The following CDK11B variants were observed in gnomAD, a reference collection of about 807,000 sequenced individuals.
CDK11B encodes cyclin-dependent kinase 11B.
A neutral mutation model predicts 84.0 loss-of-function variants in CDK11B; 37 were observed. The observed-to-expected ratio is 0.44, with a 90% CI of 0.34 to 0.58. CDK11B has a LOEUF of 0.58. Among genes scored for constraint, CDK11B ranks in the 20% least tolerant of loss-of-function variants. The probability of loss-of-function intolerance (pLI) is 0.02; values close to 1 mark genes in which losing one functional copy is unlikely to be tolerated. For missense variants in CDK11B, 427 were observed against 834.0 expected (o/e 0.51, Z 6.01); for synonymous variants, 269 against 309.8 (o/e 0.87, Z 1.38).
intron 11 of CDK11B, among the ~76,000 whole-genome samples, chr1:1,638,857 T>C (rs1340535706): frequency 6.6e-6 from 1 of 151,878 alleles, no homozygotes; most frequent in Non-Finnish European, 1.5e-5. Flanking sequence ...TTCCAGCACT[T>C]TGGGAGGGCA....
At chr1:1,655,531 T>C (rs1642629867) in intron 2 of CDK11B, 47 bp from the exon 3 acceptor site, 1 of 1,517,692 alleles carries the variant, frequency 6.6e-7, no homozygotes, top group Admixed American at 2.1e-5. Context: ...AAGTTTTTTT[T>C]TCTTCATAGA....
Position 1,637,130 on chromosome 1 carries a change from C to T in CDK11B, c.1643G>A (p.Arg548His), listed in dbSNP as rs778552932. 5.0e-6 allele frequency: 8 copies of T among 1,613,708 alleles called. No individual in the cohort carries two copies. Among genetic ancestry groups the T allele is most frequent in the Non-Finnish European group, 5.1e-6 (6 of 1,179,856 alleles). ...CAGCAGGTTGGACGTCTTGAGGTCA[C>T]GGTGCAGGATCCAGTTGTCGTGCAG... The part of the protein sequence containing the change: ...KHLHDNWILH[R>H]DLKTSNLLLS... Residue 548 changes from arginine to histidine, a missense_variant, in exon 15 of 20, where the codon CGT becomes CAT. This residue lies in a region of CDK11B where 13 missense variants were observed against 42.2 expected (regional missense o/e 0.31). Coordinates refer to ENST00000341832, the MANE Select transcript of CDK11B (RefSeq NM_033486.3).
intron 10 of CDK11B, among the ~76,000 whole-genome samples, chr1:1,640,837 G>A (rs1364092367): frequency 1.3e-5 from 2 of 151,382 alleles, no homozygotes; most frequent in Admixed American, 6.6e-5. Flanking sequence ...CCAGCTCCTC[G>A]GCCCTGCTGG....
chr1:1,636,551 G>A (rs1279457366), intron 17 of CDK11B, 70 bp from the exon 18 acceptor site: 10 of 1,575,774 alleles, frequency 6.3e-6, no homozygotes, highest in East Asian at 2.3e-5. Context: ...TCCCGTCAGA[G>A]AAGACAAGCC....
At chr1:1,650,268 CAAAA>C (rs1212256890) in intron 4 of CDK11B, among the ~76,000 whole-genome samples, 2 of 45,800 alleles carry the variant, frequency 4.4e-5, no homozygotes, top group Admixed American at 2.5e-4. Context: ...GACTCCGTCC[CAAAA>C]AAAAAAAAAA....
chr1:1,646,825 C>T (rs765919789), intron 5 of CDK11B: 2 of 520,026 alleles, frequency 3.8e-6, no homozygotes, highest in South Asian at 2.8e-5. Flanking sequence ...GAGTATGCCA[C>T]TCCACTGCCT....
At position 1,658,972 on chromosome 1, in the gene CDK11B, C is replaced by A; in HGVS notation, c.-72G>T. 5.0e-6 allele frequency: 1 copy of A among 199,950 alleles called. No homozygotes were observed. Among genetic ancestry groups the A allele is most frequent in the Middle Eastern group, 2.1e-3 (1 of 474 alleles). The allele number at this position is 199,950 out of a possible 1,614,324, so 12.4% of individuals were successfully genotyped here. A position where few individuals can be genotyped will look rare whatever the true frequency, so the allele number is the denominator to read the frequency against. Reference sequence around the variant, plus strand: ...GCCGGTCCCGGAGCCAGAGAAGAAACAGCAACCGGCGCGCGCCAAAAGTAT... The same window carrying A: ...GCCGGTCCCGGAGCCAGAGAAGAAAAAGCAACCGGCGCGCGCCAAAAGTAT... On this transcript the variant is annotated 5_prime_UTR_variant, in exon 1 of 20. Coordinates refer to ENST00000341832, the MANE Select transcript of CDK11B (RefSeq NM_033486.3).
intron 2 of CDK11B, 147 bp downstream of exon 2, chr1:1,657,228 T>G: frequency 6.2e-7 from 1 of 1,614,028 alleles, no homozygotes; most frequent in African/African-American, 1.3e-5. Flanking sequence ...ATGTTTTTGT[T>G]AATTTTTAGA....
At chr1:1,645,404 GTCT>G (rs1350532490) in intron 5 of CDK11B, 142 bp from the exon 6 acceptor site, 1 of 666,562 alleles carries the variant, frequency 1.5e-6, no homozygotes, top group African/African-American at 1.9e-5. Context: ...TTGAGACGGA[GTCT>G]TCATCTGTCC....
rs567947110 is a variant in CDK11B at position 1,637,271 on chromosome 1, C to T, written c.1571-69G>A. The T allele has an allele frequency of 1.7e-4, 276 of 1,589,770 alleles. 1 individual carries two copies. The highest frequency in any genetic ancestry group is 1.0e-3 in the South Asian group (89 of 88,684). ...CCCAGGGCACTCAGGGTGGCCCACT[C>T]GCCTCGGCAGCAACAGAGGCTTCTC... is the stretch of plus-strand genomic sequence containing the variant. On this transcript the variant is annotated intron_variant, in intron 14 of 19. Coordinates refer to ENST00000341832, the MANE Select transcript of CDK11B (RefSeq NM_033486.3).
At chr1:1,639,254 A>T (rs1014250276) in intron 11 of CDK11B, among the ~76,000 whole-genome samples, 3 of 151,700 alleles carry the variant, frequency 2.0e-5, no homozygotes, top group Admixed American at 2.0e-4. Context: ...ACTCCTTTCT[A>T]CAAAATAAAA....
At position 1,657,365 on chromosome 1, in the gene CDK11B, T is replaced by C. The variant is rs1352762901; in HGVS notation, c.111+10A>G. On this transcript the variant is annotated intron_variant, in intron 2 of 19. Transcript: ENST00000341832. ...TTAAGAAAACCACTTACTTAAAAAA[T>C]ATGGCTTACATTTTTTAAGCGTTTT... is the stretch of plus-strand genomic sequence containing the variant. 2 of 1,610,338 alleles carry C rather than the reference T, an allele frequency of 1.2e-6. No individual in the cohort carries two copies. Among genetic ancestry groups the C allele is most frequent in the Admixed American group, 1.7e-5 (1 of 59,424 alleles).
intron 3 of CDK11B, among the ~76,000 whole-genome samples, chr1:1,653,863 C>CACACA (rs761317190): frequency 9.0e-5 from 12 of 132,924 alleles, no homozygotes; most frequent in East Asian, 6.3e-4. Flanking sequence ...CACACACACA[C>CACACA]CCGAGCGTGG....
In CDK11B at chr1:1,637,805, T is replaced by C. The variant is rs886688865; in HGVS notation, c.1421A>G (p.Asn474Ser). ...GFPITSLREINTILKAQHPNI... is the reference protein window; with the variant it reads ...GFPITSLREISTILKAQHPNI... ...GGGATGCTGGGCCTTGAGGATGGTGTTGATCTCCCTCAGCGACGTGATCGG... is the reference window on the plus strand; with the variant it reads ...GGGATGCTGGGCCTTGAGGATGGTGCTGATCTCCCTCAGCGACGTGATCGG... Residue 474 changes from asparagine (N) to serine (S), a missense_variant, in exon 13 of 20, where the codon AAC (asparagine) becomes AGC (serine). Coordinates refer to ENST00000341832, the MANE Select transcript of CDK11B (RefSeq NM_033486.3). The C allele has an allele frequency of 6.2e-7, 1 of 1,613,740 alleles. No individual in the cohort carries two copies. The highest frequency in any genetic ancestry group is 8.5e-7 in the Non-Finnish European group (1 of 1,179,696).
In CDK11B at chr1:1,636,474, C is replaced by A; in HGVS notation, c.1925G>T (p.Gly642Val). Residue 642 changes from glycine (G) to valine (V), a missense_variant, in exon 18 of 20, where the codon GGG becomes GTG. Physicochemically the swap from Gly to Val is moderately radical, Grantham distance 109. Around this residue, in one of 12 missense-constraint regions of CDK11B, gnomAD observed 170 missense variants for 196.0 expected, o/e 0.87. Transcript: ENST00000341832. ...GGGCCAGATTTTCTCACTAGGGGTC[C>A]CCAGATCCTGAAAGACAGAGGTGCT... Reference protein sequence around the residue: ...DQINKVFKDLGTPSEKIWPGY... With the variant: ...DQINKVFKDLVTPSEKIWPGY... The A allele has an allele frequency of 6.2e-7, 1 of 1,611,926 alleles. No homozygotes were observed. Among genetic ancestry groups the A allele is most frequent in the Non-Finnish European group, 8.5e-7 (1 of 1,178,952 alleles).
chr1:1,651,497 A>G (rs1360170734), intron 4 of CDK11B, among the ~76,000 whole-genome samples: 3 of 143,406 alleles, frequency 2.1e-5, no homozygotes, highest in Non-Finnish European at 4.5e-5. Flanking sequence ...ATGGTCTGTG[A>G]CACATGCACG....
intron 2 of CDK11B, among the ~76,000 whole-genome samples, chr1:1,656,945 C>T (rs992955605): frequency 6.6e-6 from 1 of 152,216 alleles, no homozygotes; most frequent in African/African-American, 2.4e-5. Flanking sequence ...AGGTACTTTG[C>T]CAATGCCTCT....
chr1:1,658,149 G>A (rs1403683431), intron 1 of CDK11B, among the ~76,000 whole-genome samples: 4 of 143,656 alleles, frequency 2.8e-5, no homozygotes, highest in Non-Finnish European at 6.0e-5. Context: ...ACTCCAGCAA[G>A]ACCCCGTCTC....
intron 13 of CDK11B, 52 bp from the exon 14 acceptor site, chr1:1,637,565 C>T (rs1639563061): frequency 3.7e-6 from 6 of 1,607,670 alleles, no homozygotes; most frequent in Non-Finnish European, 5.1e-6. Flanking sequence ...CCCACCCACC[C>T]CTGCACCCGG....
Sources: allele counts gnomAD v4.1 joint callset (sites outside exome capture counted in the v4.1 genomes callset), GRCh38; gene constraint gnomAD v4.1.1; regional missense constraint gnomAD v4.1.1; transcripts MANE v1.5; gene names NCBI Gene and HGNC (gene_info 2026-07-23, HGNC 2026-07-21).